The following LRBA variants were observed in gnomAD, a reference collection of about 807,000 sequenced individuals.
LRBA encodes LPS responsive beige-like anchor protein, also known as lipopolysaccharide-responsive and beige-like anchor protein.
In LRBA, 176 loss-of-function variants were observed where a neutral mutation model predicts 330.0. The ratio of observed to expected loss-of-function variants is 0.53; its 90% CI spans 0.47 to 0.60. The LOEUF is 0.60. Ranked by LOEUF, LRBA falls within the 20% of genes least tolerant of loss-of-function variation. The pLI is 0.00. For synonymous variants in LRBA, 1,230 were observed against 1,193.0 expected (o/e 1.03, Z -0.64); for missense variants, 3,259 against 3,444.8 (o/e 0.95, Z 1.35).
intron 2 of LRBA, among the ~76,000 whole-genome samples, chr4:150,999,361 C>G (rs535449570): frequency 6.6e-6 from 1 of 152,038 alleles, no homozygotes; most frequent in South Asian, 2.1e-4. Context: ...TTCTTCCTCT[C>G]CCCCACAAAA....
chr4:150,346,757 C>CCAAAAAAAAAAAAAA (rs1206950764), intron 48 of LRBA, among the ~76,000 whole-genome samples: 1 of 66,136 alleles, frequency 1.5e-5, no homozygotes, highest in African/African-American at 7.8e-5. Flanking sequence ...GACTCTGTCT[C>CCAAAAAAAAAAAAAA]AAAAAAAAAA....
chr4:150,639,853 A>ATG (rs1778483050), intron 37 of LRBA, among the ~76,000 whole-genome samples: 1 of 76,352 alleles, frequency 1.3e-5, no homozygotes, highest in Non-Finnish European at 2.5e-5. Context: ...ATATATATAT[A>ATG]TATATATATA....
intron 42 of LRBA, among the ~76,000 whole-genome samples, chr4:150,476,446 C>A (rs969375045): frequency 4.6e-5 from 7 of 152,082 alleles, no homozygotes; most frequent in South Asian, 2.1e-4. Context: ...CAAACCCAGG[C>A]ACTCTCTAGG....
At chr4:150,650,430 T>C (rs563048404) in intron 37 of LRBA, among the ~76,000 whole-genome samples, 5 of 152,300 alleles carry the variant, frequency 3.3e-5, no homozygotes, top group Admixed American at 3.3e-4. Context: ...AAACTTGTTA[T>C]TTGGAATGAA....
intron 28 of LRBA, among the ~76,000 whole-genome samples, chr4:150,834,318 G>C (rs1747659635): frequency 6.6e-6 from 1 of 152,116 alleles, no homozygotes; most frequent in South Asian, 2.1e-4. Flanking sequence ...ATCTATAGCA[G>C]CTACAGCCTG....
chr4:150,457,482 A>T (rs1483523269), intron 44 of LRBA, among the ~76,000 whole-genome samples: 1 of 152,038 alleles, frequency 6.6e-6, no homozygotes, highest in Non-Finnish European at 1.5e-5. Context: ...GAACATAAGA[A>T]TAAAATATAT....
At chr4:150,639,612 TAGACATTCCACA>T (rs950432310) in intron 37 of LRBA, among the ~76,000 whole-genome samples, 4 of 141,660 alleles carry the variant, frequency 2.8e-5, no homozygotes, top group African/African-American at 1.0e-4. Context: ...AAAAAAATTC[TAGACATTCCACA>T]AGAAGAATAG....
intron 48 of LRBA, among the ~76,000 whole-genome samples, chr4:150,348,399 T>C (rs186968517): frequency 3.3e-5 from 5 of 152,328 alleles, no homozygotes; most frequent in Admixed American, 3.3e-4. Context: ...AGTAATAGGA[T>C]CTTGCATTGA....
chr4:150,909,260 T>C (rs1731699462), intron 9 of LRBA, among the ~76,000 whole-genome samples: 1 of 152,180 alleles, frequency 6.6e-6, no homozygotes, highest in African/African-American at 2.4e-5. Flanking sequence ...TGAAACTCTG[T>C]AGCCATTTAA....
At chr4:150,815,038 A>C (rs1744353245) in intron 31 of LRBA, among the ~76,000 whole-genome samples, 3 of 151,966 alleles carry the variant, frequency 2.0e-5, no homozygotes, top group Non-Finnish European at 4.4e-5. Flanking sequence ...AAAAGCAATC[A>C]AAGGGTCCTA....
intron 48 of LRBA, among the ~76,000 whole-genome samples, chr4:150,338,316 CTT>C (rs1735015909): frequency 6.6e-6 from 1 of 152,042 alleles, no homozygotes; most frequent in African/African-American, 2.4e-5. Flanking sequence ...AAATTTAAAA[CTT>C]TAATTAATTT....
At chr4:150,529,920 G>A (rs367583838) in intron 40 of LRBA, among the ~76,000 whole-genome samples, 11 of 151,838 alleles carry the variant, frequency 7.2e-5, no homozygotes, top group East Asian at 5.8e-4. Context: ...TATCTATTTC[G>A]CATTATACTT....
At position 150,725,935 on chromosome 4, in the gene LRBA, C is replaced by A. The variant is rs566266729; in HGVS notation, c.5754+9323G>T. 2.7e-4 allele frequency among the ~76,000 whole-genome samples: 41 copies of A among 152,226 alleles called. No homozygotes were observed. In the Middle Eastern group the frequency reaches 0.01, roughly 38 times the overall value. Reference sequence around the variant, plus strand: ...TGAAGTTGCCATTAGTTTTACATAACAGGTTATAAGATTGTGTTGGCAAGC... The same window carrying A: ...TGAAGTTGCCATTAGTTTTACATAAAAGGTTATAAGATTGTGTTGGCAAGC... On this transcript the variant is annotated intron_variant, in intron 36 of 56. Coordinates refer to ENST00000651943, the MANE Select transcript of LRBA (RefSeq NM_001364905.1).
rs543978822 is a variant in LRBA at position 150,330,569 on chromosome 4, C to T, written c.7363-4671G>A. 3.3e-5 allele frequency among the ~76,000 whole-genome samples: 5 copies of T among 152,186 alleles called. No individual in the cohort carries two copies. The South Asian group carries it at 1.0e-3, about 32-fold the overall frequency. ...ACCTGAGATGACCAGGCATTAGATTCTCATAGGGAGCGTGCAACCGAGATC... is the reference window on the plus strand; with the variant it reads ...ACCTGAGATGACCAGGCATTAGATTTTCATAGGGAGCGTGCAACCGAGATC... On this transcript the variant is annotated intron_variant, in intron 48 of 56. Coordinates refer to ENST00000651943, the MANE Select transcript of LRBA (RefSeq NM_001364905.1).
chr4:150,837,234 A>G (rs574968483), intron 28 of LRBA, among the ~76,000 whole-genome samples: 23 of 152,300 alleles, frequency 1.5e-4, no homozygotes, highest in African/African-American at 5.3e-4. Flanking sequence ...CAATTTTGGA[A>G]TAAGTGCGAC....
intron 47 of LRBA, among the ~76,000 whole-genome samples, chr4:150,390,749 C>T (rs965234751): frequency 2.0e-5 from 3 of 152,078 alleles, no homozygotes; most frequent in African/African-American, 7.2e-5. Flanking sequence ...CTTTATTCTT[C>T]TTGAGTGATA....
chr4:150,655,180 T>A (rs1780066540), intron 37 of LRBA, among the ~76,000 whole-genome samples: 1 of 152,228 alleles, frequency 6.6e-6, no homozygotes, highest in Non-Finnish European at 1.5e-5. Context: ...AGTTTTAGGT[T>A]AAACTTTCCA....
chr4:150,383,546 C>T (rs1390188384), intron 47 of LRBA, among the ~76,000 whole-genome samples: 1 of 152,158 alleles, frequency 6.6e-6, no homozygotes, highest in Non-Finnish European at 1.5e-5. Context: ...AACCACTGCA[C>T]CCCCAATTTT....
At chr4:150,723,136 G>T (rs10013523) in intron 36 of LRBA, among the ~76,000 whole-genome samples, 132,878 of 152,120 alleles carry the variant, frequency 0.87, 58,599 homozygotes, top group Non-Finnish European at 0.95. Context: ...ACACAAGGAC[G>T]GCAATTTCTA....
Sources: allele counts gnomAD v4.1 joint callset (sites outside exome capture counted in the v4.1 genomes callset), GRCh38; gene constraint gnomAD v4.1.1; transcripts MANE v1.5; gene names NCBI Gene and HGNC (gene_info 2026-07-23, HGNC 2026-07-21).